Variants in SRP68 observed in about 807,000 individuals in gnomAD.
SRP68 encodes the protein signal recognition particle subunit SRP68.
A neutral mutation model predicts 82.2 loss-of-function variants in SRP68; 15 were observed. The observed-to-expected ratio is 0.18, with a 90% CI of 0.12 to 0.28. SRP68 has a LOEUF of 0.28. Ranked by LOEUF, SRP68 falls within the 10% of genes least tolerant of loss-of-function variation. The probability of loss-of-function intolerance (pLI) is 1.00; values close to 1 mark genes in which losing one functional copy is unlikely to be tolerated. For missense variants in SRP68, 595 were observed against 780.5 expected (o/e 0.76, Z 2.83); for synonymous variants, 261 against 292.6 (o/e 0.89, Z 1.10).
At position 76,061,660 on chromosome 17, in the gene SRP68, T is replaced by C; in HGVS notation, c.562-86A>G. On this transcript the variant is annotated intron_variant, in intron 4 of 15. Transcript: ENST00000307877. ...TTCCTTTATTGGCTTCTAACTTTGA[T>C]ATCAAGAATATGGATATGGGCCAGG... is the stretch of plus-strand genomic sequence containing the variant. 1.8e-6 allele frequency: 2 copies of C among 1,124,882 alleles called. 1 individual carries two copies. Among genetic ancestry groups the C allele is most frequent in the Non-Finnish European group, 2.7e-6 (2 of 753,600 alleles). 69.7% of individuals were successfully genotyped at this position (1,124,882 alleles called of 1,614,324 possible).
Position 76,042,484 on chromosome 17 carries a change from A to G in SRP68, c.1524+1345T>C, listed in dbSNP as rs144574071. Among the ~76,000 whole-genome samples the G allele has an allele frequency of 6.6e-5, 10 of 151,228 alleles. No individual in the cohort carries two copies. The East Asian group carries it at 2.0e-3, about 30-fold the overall frequency. On this transcript the variant is annotated intron_variant, in intron 13 of 15. Transcript: ENST00000307877. Reference sequence around the variant, plus strand: ...AAAAATTAGCTGGGCTTGGTGGCACAAGCCGAGATCGTGCCACTGCACTCT... The same window carrying G: ...AAAAATTAGCTGGGCTTGGTGGCACGAGCCGAGATCGTGCCACTGCACTCT...
chr17:76,070,294 C>T, intron 2 of SRP68, 84 bp downstream of exon 2: 1 of 1,020,524 alleles, frequency 9.8e-7, no homozygotes, highest in Non-Finnish European at 1.5e-6. Context: ...AGCATATTTG[C>T]TGATATAGCA....
intron 9 of SRP68, among the ~76,000 whole-genome samples, chr17:76,050,049 G>T (rs559441382): frequency 1.3e-5 from 2 of 152,340 alleles, no homozygotes; most frequent in Admixed American, 6.5e-5. Context: ...GGAGAAGAAG[G>T]TGGGTTTGGT....
At chr17:76,065,067 T>TG in intron 3 of SRP68, among the ~76,000 whole-genome samples, 1 of 152,286 alleles carries the variant, frequency 6.6e-6, no homozygotes, top group South Asian at 2.1e-4. Context: ...TTTATTATTA[T>TG]ACTGGTGAAT....
chr17:76,053,924 C>T (rs1166443155), intron 8 of SRP68, among the ~76,000 whole-genome samples: 1 of 152,182 alleles, frequency 6.6e-6, no homozygotes, highest in African/African-American at 2.4e-5. Flanking sequence ...CACCTGTACA[C>T]CGACCTTCTC....
At chr17:76,068,543 A>C (rs963208513) in intron 2 of SRP68, among the ~76,000 whole-genome samples, 1 of 152,118 alleles carries the variant, frequency 6.6e-6, no homozygotes, top group African/African-American at 2.4e-5. Context: ...CCTGAGGAAG[A>C]CTAAGATGAC....
At chr17:76,056,430 C>CA (rs1023751687) in intron 8 of SRP68, among the ~76,000 whole-genome samples, 2 of 152,238 alleles carry the variant, frequency 1.3e-5, no homozygotes, top group Admixed American at 1.3e-4. Context: ...AGAATGCTCT[C>CA]AAAAAAAGTT....
chr17:76,040,049 C>G (rs990998959), intron 15 of SRP68, 116 bp from the exon 16 acceptor site: 2 of 1,011,074 alleles, frequency 2.0e-6, no homozygotes, highest in South Asian at 1.6e-5. Flanking sequence ...CACTCAATCA[C>G]TCAATCCCGA....
Position 76,039,007 on chromosome 17 carries a change from C to T in SRP68, c.*699G>A, listed in dbSNP as rs2066568439. On this transcript the variant is annotated 3_prime_UTR_variant, in exon 16 of 16. Transcript: ENST00000307877. ...CAGCCTCACCTAGTTGCCGGTAAGTCAGGTTACACTTGACCTCACCGGCTT... is the reference window on the plus strand; with the variant it reads ...CAGCCTCACCTAGTTGCCGGTAAGTTAGGTTACACTTGACCTCACCGGCTT... The T allele has an allele frequency of 5.8e-6, 1 of 173,458 alleles. No homozygotes were observed. Among genetic ancestry groups the T allele is most frequent in the Non-Finnish European group, 1.3e-5 (1 of 79,636 alleles). 10.7% of individuals were successfully genotyped at this position (173,458 alleles called of 1,614,324 possible).
intron 10 of SRP68, among the ~76,000 whole-genome samples, chr17:76,046,498 G>GT (rs1397438340): frequency 6.7e-6 from 1 of 149,900 alleles, no homozygotes; most frequent in Non-Finnish European, 1.5e-5. Flanking sequence ...AAAACAGAGA[G>GT]TGGGATCCCA....
intron 9 of SRP68, 103 bp from the exon 10 acceptor site, chr17:76,048,073 A>C (rs919203855): frequency 1.8e-6 from 1 of 563,376 alleles, no homozygotes; most frequent in African/African-American, 1.9e-5. Flanking sequence ...GAACATAGAC[A>C]CAAACTCTAG....
intron 8 of SRP68, among the ~76,000 whole-genome samples, chr17:76,056,014 T>C (rs1268280564): frequency 1.3e-5 from 2 of 152,042 alleles, no homozygotes; most frequent in Admixed American, 1.3e-4. Context: ...GGTTTCACCA[T>C]GATGCCCAGG....
In SRP68 at chr17:76,043,933, C is replaced by T. The variant is rs79782892; in HGVS notation, c.1420G>A (p.Val474Met). 190 of 1,608,712 alleles carry T rather than the reference C, an allele frequency of 1.2e-4. No homozygotes were observed. The African/African-American group carries it at 2.3e-3, about 20-fold the overall frequency. The change falls in exon 13 of 16, where the codon GTG becomes ATG. Residue 474 changes from valine to methionine, a missense_variant. Around this residue, in one of 2 missense-constraint regions of SRP68, gnomAD observed 495 missense variants for 688.6 expected, o/e 0.72. Coordinates refer to ENST00000307877, the MANE Select transcript of SRP68 (RefSeq NM_014230.4). ...GCTTCGCTCCACTTCTTCACCAGCA[C>T]ATAGGACTGAGCAATGAAAAAACAC... is the stretch of plus-strand genomic sequence containing the variant. Reference protein sequence around the residue: ...YRCFFIAQSYVLVKKWSEALV... With the variant: ...YRCFFIAQSYMLVKKWSEALV...
rs1047216275 is a variant in SRP68, at chr17:76,071,693, T to G, written c.184+615A>C. 6.6e-6 allele frequency among the ~76,000 whole-genome samples: 1 copy of G among 152,202 alleles called. No homozygotes were observed. Among genetic ancestry groups the G allele is most frequent in the Non-Finnish European group, 1.5e-5 (1 of 68,042 alleles). ...GGTCACAAACTAGTACCACAAGCACTTGGTTGAGATACACACTGATGGAAA... is the reference window on the plus strand; with the variant it reads ...GGTCACAAACTAGTACCACAAGCACGTGGTTGAGATACACACTGATGGAAA... On this transcript the variant is annotated intron_variant, in intron 1 of 15. Transcript: ENST00000307877. The surrounding 1 kb of genome is among the most constrained non-coding windows in gnomAD (Gnocchi z 4.7).
rs576992690 is a variant in SRP68, at chr17:76,050,614, C to T, written c.979-88G>A. 8.5e-6 allele frequency: 7 copies of T among 822,018 alleles called. No individual in the cohort carries two copies. The Admixed American group carries it at 1.3e-4, about 15-fold the overall frequency. 50.9% of individuals were successfully genotyped at this position (822,018 alleles called of 1,614,324 possible). On this transcript the variant is annotated intron_variant, in intron 8 of 15. Transcript: ENST00000307877. ...AGAGGAGCAAAATCGCACATGGAGT[C>T]CCCCAACCACACACTCACTCACGCA... is the stretch of plus-strand genomic sequence containing the variant.
chr17:76,046,404 C>T (rs1037690989), intron 10 of SRP68, among the ~76,000 whole-genome samples: 1 of 141,292 alleles, frequency 7.1e-6, no homozygotes, highest in Non-Finnish European at 1.5e-5. Context: ...GATCTTATCA[C>T]AAAATTTGAT....
intron 4 of SRP68, among the ~76,000 whole-genome samples, chr17:76,062,615 A>ATATACATTATATAT (rs2066766457): frequency 2.2e-4 from 9 of 41,530 alleles, no homozygotes; most frequent in Admixed American, 3.8e-4. Flanking sequence ...ATATTATATA[A>ATATACATTATATAT]TATATAATAT....
At chr17:76,062,620 T>C (rs541091854) in intron 4 of SRP68, among the ~76,000 whole-genome samples, 629 of 55,516 alleles carry the variant, frequency 0.011, 51 homozygotes, top group East Asian at 0.055. Context: ...ATATAATATA[T>C]AATATACATT....
intron 4 of SRP68, 180 bp from the exon 5 acceptor site, chr17:76,061,754 G>A (rs1598267168): frequency 6.4e-6 from 3 of 465,202 alleles, no homozygotes; most frequent in Non-Finnish European, 1.2e-5. Context: ...TGAACCCACA[G>A]TTGAAGACAA....
Sources: allele counts gnomAD v4.1 joint callset (sites outside exome capture counted in the v4.1 genomes callset), GRCh38; gene constraint gnomAD v4.1.1; regional missense constraint gnomAD v4.1.1; non-coding constraint Gnocchi (gnomAD v3.1); transcripts MANE v1.5; gene names NCBI Gene and HGNC (gene_info 2026-07-23, HGNC 2026-07-21).